The following HID1 variants were observed in gnomAD, a reference collection of about 807,000 sequenced individuals.
The protein encoded by HID1 is HID1 domain containing, also known as protein HID1.
In HID1, 42 loss-of-function variants were observed where a neutral mutation model predicts 89.7. The observed-to-expected ratio is 0.47, with a 90% CI of 0.37 to 0.61. The LOEUF (loss-of-function observed/expected upper bound fraction) is 0.61. Among genes scored for constraint, HID1 ranks in the 20% least tolerant of loss-of-function variants. The pLI, the probability that HID1 is intolerant of heterozygous loss-of-function variation, is 0.00. For synonymous variants in HID1, 442 were observed against 433.8 expected, an observed-to-expected ratio of 1.02 and a Z score of -0.24; for missense variants, 854 against 1,039.3, an observed-to-expected ratio of 0.82 and a Z score of 2.45.
rs549799512 is a variant in HID1 at position 74,955,682 on chromosome 17, G to A, written c.1636+110C>T. On this transcript the variant is annotated intron_variant, in intron 13 of 18. Coordinates refer to ENST00000425042, the MANE Select transcript of HID1 (RefSeq NM_030630.3). ...TGAATGAATGAACTGGGGGCAGAAG[G>A]CAAGCAGGCCAGCACCTCCCAGAGG... 188 of 939,862 alleles carry A rather than the reference G, an allele frequency of 2.0e-4. 2 individuals carry two copies. The South Asian group carries it at 2.9e-3, about 15-fold the overall frequency. The allele number at this position is 939,862 out of a possible 1,614,324, so 58.2% of individuals were successfully genotyped here. A position where few individuals can be genotyped will look rare whatever the true frequency, so the allele number is the denominator to read the frequency against.
chr17:74,966,723 G>A (rs2039569384), intron 1 of HID1, among the ~76,000 whole-genome samples: 1 of 151,910 alleles, frequency 6.6e-6, no homozygotes, highest in African/African-American at 2.4e-5. Flanking sequence ...GCCAAGGTGG[G>A]AGAATTGCTT....
At chr17:74,951,677 C>T (rs2039301955) in intron 18 of HID1, 44 bp from the exon 19 acceptor site, 3 of 1,563,656 alleles carry the variant, frequency 1.9e-6, no homozygotes, top group Non-Finnish European at 2.6e-6. Flanking sequence ...GGGCACCTTG[C>T]AGACAAGGCA....
At chr17:74,952,386 C>T in intron 16 of HID1, 26 bp from the exon 17 acceptor site, 1 of 1,595,034 alleles carries the variant, frequency 6.3e-7, no homozygotes, top group South Asian at 1.1e-5. Context: ...GTTCCTGGGG[C>T]TGAGAAAGCA....
chr17:74,966,150 T>C (rs1481705589), intron 1 of HID1, among the ~76,000 whole-genome samples: 1 of 150,998 alleles, frequency 6.6e-6, no homozygotes, highest in African/African-American at 2.4e-5. Flanking sequence ...CTGGGCATGG[T>C]GACGGGTGCC....
chr17:74,952,802 G>A lies in HID1; in HGVS notation c.2052+204C>T, dbSNP rs527536750. Among the ~76,000 whole-genome samples, 67 of 152,306 alleles carry A rather than the reference G, an allele frequency of 4.4e-4. No homozygotes were observed. The Middle Eastern group carries it at 0.01, about 23-fold the overall frequency. On this transcript the variant is annotated intron_variant, in intron 16 of 18. Coordinates refer to ENST00000425042, the MANE Select transcript of HID1 (RefSeq NM_030630.3). Reference sequence around the variant, plus strand: ...AACAGTGTAGACAGAGGAAGCAACCGAGCCAGAGAGGCTGAACACATGGGA... The same window carrying A: ...AACAGTGTAGACAGAGGAAGCAACCAAGCCAGAGAGGCTGAACACATGGGA...
intron 12 of HID1, among the ~76,000 whole-genome samples, chr17:74,957,524 A>G (rs1015098034): frequency 3.3e-5 from 5 of 151,952 alleles, no homozygotes; most frequent in Non-Finnish European, 5.9e-5. Context: ...TAAATAAAGT[A>G]AAAATGTTAT....
At chr17:74,963,130 G>A in intron 3 of HID1, 49 bp from the exon 4 acceptor site, 1 of 1,403,328 alleles carries the variant, frequency 7.1e-7, no homozygotes, top group South Asian at 1.3e-5. Context: ...TGGCCAGGAA[G>A]AGGTGGCCCA....
chr17:74,951,925 C>T lies in HID1; in HGVS notation c.2283G>A (p.Met761Ile), dbSNP rs750705234. The change falls in exon 18 of 19, where the codon ATG becomes ATA. Residue 761 changes from methionine (M) to isoleucine (I), a missense_variant. Coordinates refer to ENST00000425042, the MANE Select transcript of HID1 (RefSeq NM_030630.3). ...SGTAMWFRTY[M>I]WGVIYLRNVD... Reference sequence around the variant, plus strand: ...CCCACCTCAGATAGATGACGCCCCACATGTAGGTGCGGAACCACATGGCAG... The same window carrying T: ...CCCACCTCAGATAGATGACGCCCCATATGTAGGTGCGGAACCACATGGCAG... The T allele has an allele frequency of 1.3e-6, 2 of 1,539,152 alleles. No homozygotes were observed. Among genetic ancestry groups the T allele is most frequent in the Non-Finnish European group, 1.8e-6 (2 of 1,141,388 alleles).
At chr17:74,964,295 A>G in intron 2 of HID1, 188 bp downstream of exon 2, 1 of 640,948 alleles carries the variant, frequency 1.6e-6, no homozygotes, top group Non-Finnish European at 2.7e-6. Context: ...GGCCTGGAGG[A>G]CTCCCCCATA....
Position 74,963,317 on chromosome 17 carries a change from C to T in HID1, c.388-236G>A, listed in dbSNP as rs182797731. ...ACCTCCCCTACTGACTGGAGGGGGC[C>T]GGGCGGTGACCCCAACATCAAGAGT... On this transcript the variant is annotated intron_variant, in intron 3 of 18. Coordinates refer to ENST00000425042, the MANE Select transcript of HID1 (RefSeq NM_030630.3). 8.9e-4 allele frequency: 468 copies of T among 527,838 alleles called. 1 individual carries two copies. Among genetic ancestry groups the T allele is most frequent in the Non-Finnish European group, 1.1e-3 (336 of 295,292 alleles). 32.7% of individuals were successfully genotyped at this position (527,838 alleles called of 1,614,324 possible). A position where few individuals can be genotyped will look rare whatever the true frequency, so the allele number is the denominator to read the frequency against.
Position 74,972,228 on chromosome 17 carries a change from T to G in HID1, c.66+363A>C, listed in dbSNP as rs1486162440. Among the ~76,000 whole-genome samples the G allele has an allele frequency of 2.9e-5, 1 of 34,838 alleles. No homozygotes were observed. The highest frequency in any genetic ancestry group is 1.1e-4 in the African/African-American group (1 of 8,758). The allele number at this position is 34,838 out of a possible 152,430, so 22.9% of individuals were successfully genotyped here. ...GAGGGGCAGGGAGGGGAGCGGACGG[T>G]GGATGGGTGGGTGGGGGCGGCGGGA... On this transcript the variant is annotated intron_variant, in intron 1 of 18. Transcript: ENST00000425042. This position sits in a 1 kb window ranked among gnomAD's most constrained non-coding sequence, Gnocchi z 6.4.
At chr17:74,970,260 G>A (rs777240755) in intron 1 of HID1, among the ~76,000 whole-genome samples, 5 of 152,054 alleles carry the variant, frequency 3.3e-5, no homozygotes, top group Non-Finnish European at 5.9e-5. Context: ...GCCCCTGCTC[G>A]GACTAGACCC....
At chr17:74,971,207 C>T (rs1287459203) in intron 1 of HID1, among the ~76,000 whole-genome samples, 1 of 152,200 alleles carries the variant, frequency 6.6e-6, no homozygotes, top group Non-Finnish European at 1.5e-5. Context: ...AGTTTCTTCC[C>T]CAGGCAGGTA....
intron 12 of HID1, among the ~76,000 whole-genome samples, chr17:74,957,613 A>T (rs114230230): frequency 0.21 from 30,647 of 146,878 alleles, 4,015 homozygotes; most frequent in East Asian, 0.74. Flanking sequence ...TTTTTTTTAA[A>T]AAAAGGCCAG....
intron 1 of HID1, among the ~76,000 whole-genome samples, chr17:74,969,564 C>T (rs1314360071): frequency 6.6e-6 from 1 of 151,916 alleles, no homozygotes; most frequent in Non-Finnish European, 1.5e-5. Context: ...ACTGAGCTAC[C>T]CTGGTAAAAA....
At position 74,962,224 on chromosome 17, in the gene HID1, C is replaced by A; in HGVS notation, c.611+10G>T. 1.3e-6 allele frequency: 2 copies of A among 1,596,186 alleles called. No homozygotes were observed. Among genetic ancestry groups the A allele is most frequent in the Non-Finnish European group, 1.7e-6 (2 of 1,166,662 alleles). On this transcript the variant is annotated intron_variant, in intron 5 of 18. Transcript: ENST00000425042. This position sits in a 1 kb window ranked among gnomAD's most constrained non-coding sequence, Gnocchi z 4.3. ...CTGCATTGAGGGCTCCGGGCCTGGG[C>A]GAAGCTCACCGGTTCATATCGTGGA... is the stretch of plus-strand genomic sequence containing the variant.
At chr17:74,954,110 A>G in intron 14 of HID1, 28 bp downstream of exon 14, 2 of 1,557,676 alleles carry the variant, frequency 1.3e-6, no homozygotes, top group Non-Finnish European at 8.7e-7. Context: ...CAGTATCCAC[A>G]CTCCTGTCCC....
chr17:74,967,239 AAATAAT>A (rs1031965357), intron 1 of HID1, among the ~76,000 whole-genome samples: 72 of 150,048 alleles, frequency 4.8e-4, no homozygotes, highest in African/African-American at 1.5e-3. Context: ...TCCATTTCAA[AAATAAT>A]AATAATAATA....
rs111679155 is a variant in HID1 at position 74,951,567 on chromosome 17, T to C, written c.*3A>G. 6.2e-7 allele frequency: 1 copy of C among 1,610,764 alleles called. No homozygotes were observed. Among genetic ancestry groups the C allele is most frequent in the Non-Finnish European group, 8.5e-7 (1 of 1,178,676 alleles). ...TAGACTGAGCCCCTCGTCGGCTTCA[T>C]CCTCACACCCGCTGTATCTCAAACA... is the stretch of plus-strand genomic sequence containing the variant. On this transcript the variant is annotated 3_prime_UTR_variant, in exon 19 of 19. Coordinates refer to ENST00000425042, the MANE Select transcript of HID1 (RefSeq NM_030630.3).
Sources: allele counts gnomAD v4.1 joint callset (sites outside exome capture counted in the v4.1 genomes callset), GRCh38; gene constraint gnomAD v4.1.1; non-coding constraint Gnocchi (gnomAD v3.1); transcripts MANE v1.5; gene names NCBI Gene and HGNC (gene_info 2026-07-23, HGNC 2026-07-21).